The following GPHN variants were observed in gnomAD, a reference collection of about 807,000 sequenced individuals.
The protein encoded by GPHN is gephyrin.
In GPHN, 17 loss-of-function variants were observed where a neutral mutation model predicts 95.5. The observed-to-expected ratio is 0.18, with a 90% CI of 0.12 to 0.27. The LOEUF (loss-of-function observed/expected upper bound fraction) is 0.27. GPHN is among the 10% of genes least tolerant of loss of function. The pLI is 1.00. For synonymous variants in GPHN, 320 were observed against 322.5 expected (o/e 0.99, Z 0.08); for missense variants, 660 against 978.1 (o/e 0.67, Z 4.34).
chr14:67,368,730 A>G, the GPHN span, among the ~76,000 whole-genome samples: 1 of 98,726 alleles, frequency 1.0e-5, no homozygotes. Context: ...TTCTAGAACA[A>G]CCATTAAATA....
At chr14:66,645,750 A>G (rs1204430724) in intron 1 of GPHN, among the ~76,000 whole-genome samples, 2 of 151,524 alleles carry the variant, frequency 1.3e-5, no homozygotes, top group African/African-American at 4.8e-5. Context: ...TATATGCACC[A>G]TTTATTTATA....
At chr14:67,595,569 T>C in the GPHN span, among the ~76,000 whole-genome samples, 3 of 152,282 alleles carry the variant, frequency 2.0e-5, no homozygotes, top group South Asian at 4.1e-4. Context: ...GCTTTAAAAA[T>C]TGGCATGTGA....
chr14:66,825,245 A>G (rs957795355), intron 4 of GPHN, among the ~76,000 whole-genome samples: 6 of 152,122 alleles, frequency 3.9e-5, no homozygotes, highest in African/African-American at 1.4e-4. Flanking sequence ...GCTATACATA[A>G]AATTACATCA....
At chr14:67,451,960 T>C in the GPHN span, among the ~76,000 whole-genome samples, 5 of 152,194 alleles carry the variant, frequency 3.3e-5, no homozygotes, top group Non-Finnish European at 5.9e-5. Context: ...TGAGAGATGA[T>C]TGAATCATCA....
the GPHN span, chr14:67,577,521 G>A: frequency 1.4e-6 from 1 of 722,460 alleles, no homozygotes. Flanking sequence ...GAGAGGAAGG[G>A]AAGGAAACTT....
At chr14:66,670,794 A>AAAAT (rs977330896) in intron 1 of GPHN, among the ~76,000 whole-genome samples, 3 of 152,226 alleles carry the variant, frequency 2.0e-5, no homozygotes, top group Non-Finnish European at 4.4e-5. Flanking sequence ...TCCATCTCAA[A>AAAAT]AAATAAATAA....
chr14:67,265,149 A>G, the GPHN span, among the ~76,000 whole-genome samples: 1 of 152,200 alleles, frequency 6.6e-6, no homozygotes, highest in South Asian at 2.1e-4. Flanking sequence ...TTTCTTTGGA[A>G]TGTAATTATC....
At chr14:67,428,322 A>G in the GPHN span, among the ~76,000 whole-genome samples, 2 of 152,080 alleles carry the variant, frequency 1.3e-5, no homozygotes, top group Admixed American at 1.3e-4. Flanking sequence ...CCACACCCAC[A>G]TGCAAGGACG....
chr14:67,382,206 C>T, the GPHN span, among the ~76,000 whole-genome samples: 1 of 151,898 alleles, frequency 6.6e-6, no homozygotes, highest in East Asian at 1.9e-4. Context: ...TATTCAGTAT[C>T]GCAGTGAACT....
intron 3 of GPHN, among the ~76,000 whole-genome samples, chr14:66,804,328 T>C (rs1234069521): frequency 1.3e-5 from 2 of 152,218 alleles, no homozygotes; most frequent in African/African-American, 2.4e-5. Flanking sequence ...CAATATAGCC[T>C]CAAAAACTAG....
the GPHN span, chr14:67,393,097 C>T: frequency 7.6e-7 from 1 of 1,314,966 alleles, no homozygotes; most frequent in Non-Finnish European, 1.1e-6. Flanking sequence ...CTGAGCCCTG[C>T]ATCACCATGT....
chr14:67,642,793 CTTTTTT>C, the GPHN span, among the ~76,000 whole-genome samples: 7,522 of 75,348 alleles, frequency 0.1, 111 homozygotes, highest in Middle Eastern at 0.23. Flanking sequence ...ACTACATTTT[CTTTTTT>C]TTTTTTTTTT....
Position 67,008,843 on chromosome 14 carries a change from A to G in GPHN, c.964-14790A>G, listed in dbSNP as rs1232807412. Among the ~76,000 whole-genome samples the G allele has an allele frequency of 2.0e-5, 3 of 152,268 alleles. No homozygotes were observed. The East Asian group carries it at 5.8e-4, about 29-fold the overall frequency. ...ATTACAGGTGTTAGCTACTGTACCC[A>G]GCCCTTTTTAAATTTTATAAGCTAT... On this transcript the variant is annotated intron_variant, in intron 9 of 22. Transcript: ENST00000478722.
intron 2 of GPHN, among the ~76,000 whole-genome samples, chr14:66,737,431 C>T (rs1436735760): frequency 6.6e-6 from 1 of 152,086 alleles, no homozygotes; most frequent in Non-Finnish European, 1.5e-5. Context: ...TCAGGGAAGC[C>T]CCTTTTTCTT....
At position 67,014,980 on chromosome 14, in the gene GPHN, A is replaced by G. The variant is rs1007689352; in HGVS notation, c.964-8653A>G. On this transcript the variant is annotated intron_variant, in intron 9 of 22. Coordinates refer to ENST00000478722, the MANE Select transcript of GPHN (RefSeq NM_020806.5). Reference sequence around the variant, plus strand: ...AATTAAAGCTTTATATAGGAAATACATTAAGAACATTTAACATTGATGCTT... The same window carrying G: ...AATTAAAGCTTTATATAGGAAATACGTTAAGAACATTTAACATTGATGCTT... Among the ~76,000 whole-genome samples, 4 of 152,350 alleles carry G rather than the reference A, an allele frequency of 2.6e-5. 1 individual carries two copies. Among genetic ancestry groups the G allele is most frequent in the South Asian group, 4.1e-4 (2 of 4,830 alleles).
At chr14:67,107,903 C>T (rs913724112) in intron 13 of GPHN, among the ~76,000 whole-genome samples, 5 of 152,180 alleles carry the variant, frequency 3.3e-5, no homozygotes, top group Non-Finnish European at 7.4e-5. Flanking sequence ...GCTCAATCAG[C>T]ACTCTGTTTC....
chr14:66,917,080 A>G (rs1232995946), intron 6 of GPHN, among the ~76,000 whole-genome samples: 1 of 152,216 alleles, frequency 6.6e-6, no homozygotes, highest in Non-Finnish European at 1.5e-5. Context: ...ATCTACCACT[A>G]TTGATATGTT....
chr14:67,692,257 T>G, the GPHN span: 3 of 642,580 alleles, frequency 4.7e-6, no homozygotes, highest in Non-Finnish European at 8.0e-6. Context: ...TTTTTGTTTC[T>G]GCCTCTGGAA....
At chr14:66,650,440 T>C (rs1252919254) in intron 1 of GPHN, among the ~76,000 whole-genome samples, 2 of 152,186 alleles carry the variant, frequency 1.3e-5, no homozygotes, top group Admixed American at 6.5e-5. Context: ...GAAGAGTTGA[T>C]CCTGCCTGCT....
Sources: allele counts gnomAD v4.1 joint callset (sites outside exome capture counted in the v4.1 genomes callset), GRCh38; gene constraint gnomAD v4.1.1; transcripts MANE v1.5; gene names NCBI Gene and HGNC (gene_info 2026-07-23, HGNC 2026-07-21).